CFAP20DC: variants seen among roughly 807,000 people sequenced by gnomAD.
The protein encoded by CFAP20DC is CFAP20 domain containing.
Under a neutral mutation model 101.7 loss-of-function variants are expected in CFAP20DC, and 84 were observed. The ratio of observed to expected loss-of-function variants is 0.83; its 90% CI spans 0.69 to 0.99. The LOEUF (loss-of-function observed/expected upper bound fraction) is 0.99, where lower values mean the gene tolerates loss of function less well. Ranked by LOEUF, CFAP20DC falls within the 50% of genes least tolerant of loss-of-function variation. The pLI is 0.00. For missense variants in CFAP20DC, 1,007 were observed against 970.3 expected (o/e 1.04, Z -0.50); for synonymous variants, 359 against 351.2 (o/e 1.02, Z -0.25).
At position 58,806,423 on chromosome 3, in the gene CFAP20DC, T is replaced by A; in HGVS notation, c.2209A>T (p.Met737Leu). 6.2e-7 allele frequency: 1 copy of A among 1,612,032 alleles called. No individual in the cohort carries two copies. The highest frequency in any genetic ancestry group is 8.5e-7 in the Non-Finnish European group (1 of 1,178,100). The change falls in exon 15 of 17, where the codon ATG (methionine) becomes TTG (leucine). Residue 737 changes from methionine to leucine, a missense_variant. Physicochemically the swap from Met to Leu is conservative, Grantham distance 15 (BLOSUM62 2). Transcript: ENST00000482387. ...GGATTAGAAGGAGAAGGTGGGTTCA[T>A]TTCTTTCTGATAGTGGCGACCCTGG... ...VNQGRHYQKE[M>L]NPPSPSNPRD...
intron 4 of CFAP20DC, among the ~76,000 whole-genome samples, chr3:59,012,688 C>G (rs527260532): frequency 6.6e-6 from 1 of 152,230 alleles, no homozygotes; most frequent in South Asian, 2.1e-4. Flanking sequence ...TAATTTTTTA[C>G]AAATTGGCCT....
intron 13 of CFAP20DC, among the ~76,000 whole-genome samples, chr3:58,845,424 A>G (rs1245334023): frequency 6.6e-6 from 1 of 151,974 alleles, no homozygotes; most frequent in Non-Finnish European, 1.5e-5. Flanking sequence ...AGAAATGGAT[A>G]AATTCCTGGA....
intron 5 of CFAP20DC, among the ~76,000 whole-genome samples, chr3:58,924,053 G>A (rs894245915): frequency 4.0e-5 from 6 of 151,830 alleles, no homozygotes; most frequent in Admixed American, 1.3e-4. Context: ...TTCAGATACC[G>A]TATTTTTTTT....
chr3:58,994,555 C>A (rs1031165748), intron 4 of CFAP20DC, among the ~76,000 whole-genome samples: 3 of 152,086 alleles, frequency 2.0e-5, no homozygotes, highest in African/African-American at 7.2e-5. Flanking sequence ...TGTTCTTCTC[C>A]TCGTCAAATA....
In CFAP20DC at chr3:58,863,323, C is replaced by T; in HGVS notation, c.1593+235G>A. Reference sequence around the variant, plus strand: ...TTAAAATGAAAAAACAGAAAGAAACCCAAAACTGGTTTCTATAAGTAAAAG... The same window carrying T: ...TTAAAATGAAAAAACAGAAAGAAACTCAAAACTGGTTTCTATAAGTAAAAG... On this transcript the variant is annotated intron_variant, in intron 12 of 16. Coordinates refer to ENST00000482387, the MANE Select transcript of CFAP20DC (RefSeq NM_001394063.1). The surrounding 1 kb of genome is among the most constrained non-coding windows in gnomAD (Gnocchi z 5.9). 1 of 1,405,806 alleles carries T rather than the reference C, an allele frequency of 7.1e-7. No individual in the cohort carries two copies. The highest frequency in any genetic ancestry group is 9.2e-7 in the Non-Finnish European group (1 of 1,087,764). The allele number at this position is 1,405,806 out of a possible 1,614,324, so 87.1% of individuals were successfully genotyped here.
intron 3 of CFAP20DC, among the ~76,000 whole-genome samples, chr3:58,733,288 C>T (rs532463336): frequency 1.4e-4 from 22 of 152,160 alleles, no homozygotes; most frequent in Admixed American, 6.5e-4. Flanking sequence ...GCCAAGATTG[C>T]GCCACTGCAC....
chr3:58,928,613 T>C (rs182886471), intron 5 of CFAP20DC, among the ~76,000 whole-genome samples: 1 of 152,310 alleles, frequency 6.6e-6, no homozygotes, highest in Non-Finnish European at 1.5e-5. Context: ...ATATATGTAA[T>C]AAAATATAGA....
At chr3:58,955,703 G>A (rs1263495564) in intron 4 of CFAP20DC, among the ~76,000 whole-genome samples, 2 of 151,912 alleles carry the variant, frequency 1.3e-5, no homozygotes, top group African/African-American at 4.8e-5. Flanking sequence ...TGAACTGGGG[G>A]GGCATGTGAC....
chr3:58,831,898 G>C lies in CFAP20DC; in HGVS notation c.1972-9C>G. The stretch of plus-strand genomic sequence containing the variant: ...TTTCGCCAGTCATATTCCTGACCAA[G>C]AGAGAGGAAAATAACAAAGGGTCAT... On this transcript the variant is annotated splice_polypyrimidine_tract_variant and intron_variant, in intron 13 of 16. Transcript: ENST00000482387. The C allele has an allele frequency of 6.2e-7, 1 of 1,612,664 alleles. No homozygotes were observed. Among genetic ancestry groups the C allele is most frequent in the Non-Finnish European group, 8.5e-7 (1 of 1,178,792 alleles).
At chr3:58,833,816 C>T (rs1052353623) in intron 13 of CFAP20DC, among the ~76,000 whole-genome samples, 1 of 152,126 alleles carries the variant, frequency 6.6e-6, no homozygotes, top group African/African-American at 2.4e-5. Flanking sequence ...GTGAAAACAA[C>T]CAAGTGTCTA....
Position 58,997,832 on chromosome 3 carries a change from T to C in CFAP20DC, c.278+41725A>G, listed in dbSNP as rs1576645199. The stretch of plus-strand genomic sequence containing the variant: ...ACAGGAAGAGGGACAAATAAGTAAC[T>C]CTCGATAGCAATGTACAGACTGTAG... On this transcript the variant is annotated intron_variant, in intron 4 of 16. Transcript: ENST00000482387. Among the ~76,000 whole-genome samples the C allele has an allele frequency of 2.0e-5, 3 of 152,166 alleles. No individual in the cohort carries two copies. The East Asian group carries it at 5.8e-4, about 29-fold the overall frequency.
At chr3:58,879,034 C>T (rs1169674531) in intron 7 of CFAP20DC, among the ~76,000 whole-genome samples, 1 of 151,614 alleles carries the variant, frequency 6.6e-6, no homozygotes. Flanking sequence ...CAAAAGAATG[C>T]ACCTCTGAAA....
chr3:58,863,314 G>T lies in CFAP20DC; in HGVS notation c.1593+244C>A. The T allele has an allele frequency of 7.1e-7, 1 of 1,408,368 alleles. No homozygotes were observed. The highest frequency in any genetic ancestry group is 1.5e-5 in the African/African-American group (1 of 68,710). The allele number at this position is 1,408,368 out of a possible 1,614,324, so 87.2% of individuals were successfully genotyped here. A position where few individuals can be genotyped will look rare whatever the true frequency, so the allele number is the denominator to read the frequency against. ...ATTCAAAGATTAAAATGAAAAAACA[G>T]AAAGAAACCCAAAACTGGTTTCTAT... On this transcript the variant is annotated intron_variant, in intron 12 of 16. Coordinates refer to ENST00000482387, the MANE Select transcript of CFAP20DC (RefSeq NM_001394063.1). This position sits in a 1 kb window ranked among gnomAD's most constrained non-coding sequence, Gnocchi z 5.9.
intron 4 of CFAP20DC, among the ~76,000 whole-genome samples, chr3:58,983,175 A>G (rs1274214295): frequency 6.6e-6 from 1 of 152,210 alleles, no homozygotes; most frequent in African/African-American, 2.4e-5. Flanking sequence ...TGCCAGAATC[A>G]TTTCAGTGAT....
chr3:58,986,708 G>A (rs1218312656), intron 4 of CFAP20DC, among the ~76,000 whole-genome samples: 2 of 151,984 alleles, frequency 1.3e-5, no homozygotes, highest in East Asian at 1.9e-4. Flanking sequence ...TTAAAAACTC[G>A]TTCTATGTCA....
At chr3:58,730,424 G>C (rs1220225227) in intron 3 of CFAP20DC, among the ~76,000 whole-genome samples, 1 of 152,186 alleles carries the variant, frequency 6.6e-6, no homozygotes, top group Non-Finnish European at 1.5e-5. Flanking sequence ...AGGCAGATGA[G>C]TTAGTAGGCT....
intron 5 of CFAP20DC, among the ~76,000 whole-genome samples, chr3:58,917,665 G>A (rs2107486917): frequency 6.6e-6 from 1 of 152,256 alleles, no homozygotes; most frequent in African/African-American, 2.4e-5. Context: ...TTTCTCGATA[G>A]AAAATCAGCT....
intron 13 of CFAP20DC, among the ~76,000 whole-genome samples, chr3:58,839,112 T>A (rs2076930825): frequency 6.6e-6 from 1 of 152,198 alleles, no homozygotes; most frequent in Non-Finnish European, 1.5e-5. Context: ...AAAGCTTTGG[T>A]TGAATAGAGT....
chr3:58,871,773 C>G (rs181500440), intron 7 of CFAP20DC, among the ~76,000 whole-genome samples: 1 of 152,144 alleles, frequency 6.6e-6, no homozygotes, highest in Non-Finnish European at 1.5e-5. Flanking sequence ...AGTGATCCAC[C>G]TGACTCAGCT....
Sources: gnomAD v4.1 joint callset for allele counts (sites outside exome capture counted in the v4.1 genomes callset) on GRCh38, gnomAD v4.1.1 for gene constraint, Gnocchi (gnomAD v3.1) non-coding constraint, MANE v1.5 for transcripts, NCBI Gene and HGNC (gene_info 2026-07-23, HGNC 2026-07-21) for gene names.